The following GLCE variants were observed in gnomAD, a reference collection of about 807,000 sequenced individuals.
GLCE encodes glucuronic acid epimerase.
A neutral mutation model predicts 47.9 loss-of-function variants in GLCE; 19 were observed. The ratio of observed to expected loss-of-function variants is 0.40; its 90% CI spans 0.28 to 0.58. The LOEUF (loss-of-function observed/expected upper bound fraction) is 0.58, where lower values mean the gene tolerates loss of function less well. Among genes scored for constraint, GLCE ranks in the 20% least tolerant of loss-of-function variants. GLCE has a pLI of 0.48. For synonymous variants in GLCE, 245 were observed against 263.4 expected, an observed-to-expected ratio of 0.93 and a Z score of 0.68; for missense variants, 556 against 743.3, an observed-to-expected ratio of 0.75 and a Z score of 2.93.
intron 1 of GLCE, among the ~76,000 whole-genome samples, chr15:69,175,912 A>G (rs2051655013): frequency 6.6e-6 from 1 of 152,252 alleles, no homozygotes; most frequent in South Asian, 2.1e-4. Flanking sequence ...GTGTGAATTT[A>G]CTGAGTATAT....
chr15:69,220,963 A>T (rs2052369904), intron 2 of GLCE, among the ~76,000 whole-genome samples: 1 of 152,010 alleles, frequency 6.6e-6, no homozygotes. Context: ...ATCCAGCTTC[A>T]CTCTTTTGCA....
rs529263308 is a variant in GLCE, at chr15:69,229,775, C to T, written c.-14+19369C>T. On this transcript the variant is annotated intron_variant, in intron 2 of 4. Transcript: ENST00000261858. ...AATAGCTAGATAGCAGATATATACC[C>T]AATCATAGCAATAATCACATTAAAT... Among the ~76,000 whole-genome samples the T allele has an allele frequency of 2.9e-4, 44 of 151,608 alleles. 1 individual carries two copies. In the South Asian group the frequency reaches 8.5e-3, roughly 29 times the overall value.
chr15:69,161,754 CCCTGTGGGGGCGCGCTGGTCT>C (rs1462802501), intron 1 of GLCE, among the ~76,000 whole-genome samples: 1 of 152,152 alleles, frequency 6.6e-6, no homozygotes, highest in Non-Finnish European at 1.5e-5. Flanking sequence ...GCCCCGGGAT[CCCTGTGGGGGCGCGCTGGTCT>C]CGCTGGAGCT....
At chr15:69,218,272 A>C (rs2052334188) in intron 2 of GLCE, among the ~76,000 whole-genome samples, 1 of 151,964 alleles carries the variant, frequency 6.6e-6, no homozygotes, top group Admixed American at 6.6e-5. Flanking sequence ...CATTTTGGGA[A>C]GCTAAGGCCG....
intron 1 of GLCE, among the ~76,000 whole-genome samples, chr15:69,171,242 A>G (rs1005058524): frequency 6.6e-6 from 1 of 152,170 alleles, no homozygotes; most frequent in Non-Finnish European, 1.5e-5. Context: ...ATGATAATAT[A>G]TAGTAGTAAT....
At chr15:69,233,788 C>T (rs1279496429) in intron 2 of GLCE, among the ~76,000 whole-genome samples, 1 of 152,038 alleles carries the variant, frequency 6.6e-6, no homozygotes, top group Non-Finnish European at 1.5e-5. Context: ...CAACATTTGC[C>T]ACAATTTGAA....
At chr15:69,195,553 A>G (rs577927172) in intron 1 of GLCE, among the ~76,000 whole-genome samples, 1 of 152,198 alleles carries the variant, frequency 6.6e-6, no homozygotes, top group African/African-American at 2.4e-5. Context: ...TTGTATGTGG[A>G]TTGTCTACTT....
At chr15:69,214,588 G>C (rs1175206373) in intron 2 of GLCE, among the ~76,000 whole-genome samples, 1 of 152,080 alleles carries the variant, frequency 6.6e-6, no homozygotes, top group Non-Finnish European at 1.5e-5. Context: ...CTTTATAATA[G>C]TGTGAAAACG....
At chr15:69,166,976 G>T (rs1261796904) in intron 1 of GLCE, among the ~76,000 whole-genome samples, 1 of 151,074 alleles carries the variant, frequency 6.6e-6, no homozygotes, top group East Asian at 1.9e-4. Flanking sequence ...AGCACTTTGG[G>T]AGGCTGAAGC....
At chr15:69,202,637 G>A (rs1376947775) in intron 1 of GLCE, among the ~76,000 whole-genome samples, 1 of 152,098 alleles carries the variant, frequency 6.6e-6, no homozygotes, top group East Asian at 1.9e-4. Flanking sequence ...TTCAGTAATG[G>A]TGGATTGGAG....
intron 2 of GLCE, among the ~76,000 whole-genome samples, chr15:69,243,193 GC>G (rs2052700429): frequency 6.6e-6 from 1 of 152,092 alleles, no homozygotes; most frequent in South Asian, 2.1e-4. Context: ...CAGGTAGGAG[GC>G]CCAGTAGGCT....
chr15:69,224,650 C>A (rs913297969), intron 2 of GLCE, among the ~76,000 whole-genome samples: 1 of 152,144 alleles, frequency 6.6e-6, no homozygotes, highest in Non-Finnish European at 1.5e-5. Flanking sequence ...TTTTTGCCTA[C>A]GTGGGCTCCT....
intron 1 of GLCE, among the ~76,000 whole-genome samples, chr15:69,179,922 G>T (rs1274851753): frequency 6.6e-6 from 1 of 152,198 alleles, no homozygotes; most frequent in African/African-American, 2.4e-5. Flanking sequence ...GGGAAGTGGA[G>T]GTTGCAGTGA....
At chr15:69,235,043 A>T (rs2052575855) in intron 2 of GLCE, among the ~76,000 whole-genome samples, 1 of 147,202 alleles carries the variant, frequency 6.8e-6, no homozygotes, top group African/African-American at 2.5e-5. Context: ...ACAGATGTTT[A>T]ACAAATATTT....
At chr15:69,164,311 A>G (rs1172941705) in intron 1 of GLCE, among the ~76,000 whole-genome samples, 1 of 151,988 alleles carries the variant, frequency 6.6e-6, no homozygotes, top group Admixed American at 6.6e-5. Flanking sequence ...CATAAATATG[A>G]TATACTAAAG....
chr15:69,264,668 T>C (rs2053061773), intron 4 of GLCE, among the ~76,000 whole-genome samples: 1 of 152,140 alleles, frequency 6.6e-6, no homozygotes. Context: ...TGCGCAAGGG[T>C]TTCCCTTTCT....
At chr15:69,258,209 C>A (rs2052957643) in intron 3 of GLCE, among the ~76,000 whole-genome samples, 1 of 152,048 alleles carries the variant, frequency 6.6e-6, no homozygotes, top group South Asian at 2.1e-4. Context: ...CATGCGTTTT[C>A]ATCATTTAGC....
chr15:69,215,403 T>G (rs2052291514), intron 2 of GLCE, among the ~76,000 whole-genome samples: 1 of 152,146 alleles, frequency 6.6e-6, no homozygotes, highest in Non-Finnish European at 1.5e-5. Flanking sequence ...CATAAATCCT[T>G]AGTTTATACC....
rs76123357 is a variant in GLCE, at chr15:69,171,974, A to G, written c.-105+11217A>G. Among the ~76,000 whole-genome samples the G allele has an allele frequency of 3.6e-3, 544 of 152,286 alleles. 3 individuals carry two copies. Among genetic ancestry groups the G allele is most frequent in the African/African-American group, 0.013 (521 of 41,564 alleles). On this transcript the variant is annotated intron_variant, in intron 1 of 4. Coordinates refer to ENST00000261858, the MANE Select transcript of GLCE (RefSeq NM_015554.3). ...CATCTTGATTTTTTAAAAATGTTCA[A>G]TTTTGAAATATATCTTTATAGGAGA...
Sources: allele counts gnomAD v4.1 joint callset (sites outside exome capture counted in the v4.1 genomes callset), GRCh38; gene constraint gnomAD v4.1.1; transcripts MANE v1.5; gene names NCBI Gene and HGNC (gene_info 2026-07-23, HGNC 2026-07-21).